The following DNAH14 variants were observed in gnomAD, a reference collection of about 807,000 sequenced individuals.
The protein encoded by DNAH14 is axonemal beta dynein heavy chain 14.
DNAH14 carries 478 observed loss-of-function variants against 520.9 expected under a neutral mutation model. The ratio of observed to expected loss-of-function variants is 0.92; its 90% CI spans 0.85 to 0.99. The LOEUF (loss-of-function observed/expected upper bound fraction) is 0.99. Ranked by LOEUF, DNAH14 falls within the 50% of genes least tolerant of loss-of-function variation. The probability of loss-of-function intolerance (pLI) is 0.00; values close to 1 mark genes in which losing one functional copy is unlikely to be tolerated. For synonymous variants in DNAH14, 1,581 were observed against 1,757.2 expected (o/e 0.90, Z 2.51); for missense variants, 4,831 against 5,234.5 (o/e 0.92, Z 2.38).
intron 27 of DNAH14, among the ~76,000 whole-genome samples, chr1:225,131,922 C>T (rs1291909865): frequency 6.6e-6 from 1 of 151,572 alleles, no homozygotes; most frequent in Non-Finnish European, 1.5e-5. Flanking sequence ...AAGGAATAGG[C>T]AAAAGAAAAG....
At chr1:224,977,954 C>T (rs539285160) in intron 8 of DNAH14, among the ~76,000 whole-genome samples, 1 of 152,186 alleles carries the variant, frequency 6.6e-6, no homozygotes, top group South Asian at 2.1e-4. Context: ...CAAGTCAAAA[C>T]CACAATGAGA....
intron 8 of DNAH14, among the ~76,000 whole-genome samples, chr1:224,980,643 G>C (rs927702638): frequency 5.9e-5 from 9 of 152,330 alleles, no homozygotes; most frequent in African/African-American, 2.2e-4. Flanking sequence ...AACATAGGCA[G>C]TAGCCAGGTA....
At chr1:225,008,174 G>A (rs2064345547) in intron 10 of DNAH14, among the ~76,000 whole-genome samples, 1 of 151,924 alleles carries the variant, frequency 6.6e-6, no homozygotes, top group Non-Finnish European at 1.5e-5. Context: ...AACATGCAGT[G>A]TTTGTTTTTC....
chr1:225,026,262 A>C (rs995695266), intron 11 of DNAH14, among the ~76,000 whole-genome samples: 5 of 151,338 alleles, frequency 3.3e-5, no homozygotes, highest in Admixed American at 2.6e-4. Context: ...TTTAATTTTT[A>C]ATTTTATTTT....
chr1:225,156,869 T>C (rs1321594709), intron 34 of DNAH14, among the ~76,000 whole-genome samples: 1 of 137,470 alleles, frequency 7.3e-6, no homozygotes, highest in Admixed American at 7.4e-5. Context: ...CGCCCGCCAC[T>C]ACGCCCGGCT....
chr1:225,331,538 G>A lies in DNAH14; in HGVS notation c.9825G>A (p.Gln3275=). Residue 3275 remains glutamine, a synonymous_variant, in exon 65 of 86, where the codon CAG becomes CAA. Transcript: ENST00000682510. ...AAACAATGGCCAGCAGGCGCTTTCA[G>A]TGTGCGTCAGTCTTACTAACTGTCC... ...NRKTMASRRF[Q]CASVLLTVLE... is the part of the protein sequence containing the mutation. The A allele has an allele frequency of 6.4e-7, 1 of 1,551,492 alleles. No homozygotes were observed. The highest frequency in any genetic ancestry group is 8.7e-7 in the Non-Finnish European group (1 of 1,146,868).
intron 37 of DNAH14, among the ~76,000 whole-genome samples, chr1:225,188,752 C>T (rs1028429260): frequency 1.4e-4 from 21 of 151,828 alleles, no homozygotes; most frequent in Admixed American, 1.1e-3. Context: ...ATAGGAATTG[C>T]GTTGATCCTG....
intron 61 of DNAH14, 146 bp downstream of exon 61, chr1:225,318,823 G>T: frequency 1.3e-6 from 1 of 778,060 alleles, no homozygotes; most frequent in South Asian, 2.2e-5. Context: ...TACCCATCTT[G>T]GTTACTTTAA....
intron 19 of DNAH14, 128 bp from the exon 20 acceptor site, chr1:225,082,421 A>T: frequency 1.5e-6 from 1 of 659,074 alleles, no homozygotes. Context: ...TGTTATTTTA[A>T]TGTAGTTTAA....
intron 38 of DNAH14, among the ~76,000 whole-genome samples, chr1:225,201,906 C>T (rs1254576047): frequency 3.2e-5 from 4 of 124,892 alleles, no homozygotes; most frequent in African/African-American, 6.7e-5. Flanking sequence ...ACGAAGTCTT[C>T]CTCTTGTCCC....
At chr1:225,189,082 G>T (rs1408816991) in intron 37 of DNAH14, among the ~76,000 whole-genome samples, 2 of 151,806 alleles carry the variant, frequency 1.3e-5, no homozygotes, top group African/African-American at 4.8e-5. Flanking sequence ...TTTGTCAAAT[G>T]CTTTTTCTGT....
chr1:224,933,351 A>G (rs1467114268), intron 1 of DNAH14, among the ~76,000 whole-genome samples: 1 of 152,154 alleles, frequency 6.6e-6, no homozygotes, highest in African/African-American at 2.4e-5. Flanking sequence ...ATTTCTAGAT[A>G]TAAAATCATA....
chr1:225,366,290 A>G (rs1222715128), intron 76 of DNAH14, among the ~76,000 whole-genome samples: 1 of 152,220 alleles, frequency 6.6e-6, no homozygotes, highest in African/African-American at 2.4e-5. Context: ...GTGTTTATAA[A>G]TTTCATACAA....
chr1:225,246,489 G>A (rs929494206), intron 43 of DNAH14, among the ~76,000 whole-genome samples: 1 of 151,952 alleles, frequency 6.6e-6, no homozygotes, highest in Non-Finnish European at 1.5e-5. Flanking sequence ...TCTGATAAGG[G>A]GCTAACATCC....
intron 71 of DNAH14, among the ~76,000 whole-genome samples, chr1:225,350,569 GA>G (rs1286368976): frequency 6.6e-6 from 1 of 151,834 alleles, no homozygotes; most frequent in Non-Finnish European, 1.5e-5. Flanking sequence ...AGAAAGGGAC[GA>G]CATTAAAGTA....
chr1:225,135,137 G>C (rs1404948239), intron 27 of DNAH14, among the ~76,000 whole-genome samples: 1 of 151,744 alleles, frequency 6.6e-6, no homozygotes. Flanking sequence ...TTTTTAAAGG[G>C]TTTCCCATGT....
At chr1:225,078,768 ATCTCTCTCTCTCTCTCTCTCTCTC>A (rs1170812870) in intron 17 of DNAH14, among the ~76,000 whole-genome samples, 1 of 15,684 alleles carries the variant, frequency 6.4e-5, no homozygotes, top group East Asian at 1.5e-3. Context: ...CCCATTCTCA[ATCTCTCTCTCTCTCTCTCTCTCTC>A]TCTCTCTCTC....
intron 52 of DNAH14, among the ~76,000 whole-genome samples, chr1:225,274,146 C>CCAA (rs1253879895): frequency 6.6e-6 from 1 of 151,658 alleles, no homozygotes; most frequent in Non-Finnish European, 1.5e-5. Flanking sequence ...TAAGTTCCCA[C>CCAA]CAACAGTGTG....
At chr1:225,187,793 A>G (rs1038736253) in intron 37 of DNAH14, among the ~76,000 whole-genome samples, 1 of 151,620 alleles carries the variant, frequency 6.6e-6, no homozygotes, top group Non-Finnish European at 1.5e-5. Flanking sequence ...TTAAATTGTT[A>G]TCTTTTTGTT....
Sources: gnomAD v4.1 joint callset for allele counts (sites outside exome capture counted in the v4.1 genomes callset) on GRCh38, gnomAD v4.1.1 for gene constraint, MANE v1.5 for transcripts, NCBI Gene and HGNC (gene_info 2026-07-23, HGNC 2026-07-21) for gene names.